The following TGM6 variants were observed in gnomAD, a reference collection of about 807,000 sequenced individuals.
TGM6 encodes transglutaminase 6, also known as protein-glutamine gamma-glutamyltransferase 6.
In TGM6, 74 loss-of-function variants were observed where a neutral mutation model predicts 77.5. The ratio of observed to expected loss-of-function variants is 0.96; its 90% CI spans 0.79 to 1.16. The LOEUF is 1.16. TGM6 is among the 50% of genes most tolerant of loss of function. The probability of loss-of-function intolerance (pLI) is 0.00; values close to 1 mark genes in which losing one functional copy is unlikely to be tolerated. For missense variants in TGM6, 968 were observed against 940.2 expected, an observed-to-expected ratio of 1.03 and a Z score of -0.39; for synonymous variants, 383 against 378.9, an observed-to-expected ratio of 1.01 and a Z score of -0.12.
chr20:2,406,656 C>T (rs1354268537), intron 9 of TGM6, among the ~76,000 whole-genome samples: 4 of 150,312 alleles, frequency 2.7e-5, no homozygotes, highest in East Asian at 2.0e-4. Context: ...GCCAACATGG[C>T]GAAAACCCGT....
intron 9 of TGM6, among the ~76,000 whole-genome samples, chr20:2,404,784 G>A (rs2084738751): frequency 6.6e-6 from 1 of 152,004 alleles, no homozygotes; most frequent in Non-Finnish European, 1.5e-5. Flanking sequence ...GGGATTACAG[G>A]TGCCCGCCAC....
intron 1 of TGM6, among the ~76,000 whole-genome samples, chr20:2,392,675 G>A (rs558860096): frequency 2.0e-5 from 3 of 152,198 alleles, no homozygotes; most frequent in Non-Finnish European, 4.4e-5. Context: ...ACTTTGGGAG[G>A]CCAAGGCGGA....
At chr20:2,381,098 C>A in intron 1 of TGM6, 123 bp downstream of exon 1, 1 of 1,351,916 alleles carries the variant, frequency 7.4e-7, no homozygotes, top group South Asian at 1.3e-5. Context: ...GATAGTCCAC[C>A]ATGAACACAT....
At chr20:2,432,444 G>T in intron 12 of TGM6, 46 bp from the exon 13 acceptor site, 1 of 1,611,822 alleles carries the variant, frequency 6.2e-7, no homozygotes, top group South Asian at 1.1e-5. Context: ...GACTCAGAAT[G>T]GCAAGAGGAC....
chr20:2,426,297 C>T (rs1025058986), intron 10 of TGM6, among the ~76,000 whole-genome samples: 1 of 151,832 alleles, frequency 6.6e-6, no homozygotes. Context: ...TTTTAATTTC[C>T]AATTGTTCAT....
chr20:2,418,211 T>C (rs1319481465), intron 10 of TGM6, among the ~76,000 whole-genome samples: 2 of 152,070 alleles, frequency 1.3e-5, no homozygotes, highest in Non-Finnish European at 2.9e-5. Flanking sequence ...GGGGGTTTCA[T>C]GATGTTGCCC....
intron 1 of TGM6, among the ~76,000 whole-genome samples, chr20:2,392,757 G>A (rs371946823): frequency 2.0e-5 from 3 of 152,166 alleles, no homozygotes; most frequent in East Asian, 3.9e-4. Flanking sequence ...CAAAAAATTA[G>A]CTGAGTATGG....
chr20:2,394,713 G>T, intron 2 of TGM6, 88 bp downstream of exon 2: 1 of 1,425,510 alleles, frequency 7.0e-7, no homozygotes, highest in Non-Finnish European at 9.6e-7. Flanking sequence ...GCAGTCAGCA[G>T]CTCAGGCTCT....
chr20:2,381,195 C>A (rs1052508491), intron 1 of TGM6, among the ~76,000 whole-genome samples: 10 of 152,200 alleles, frequency 6.6e-5, no homozygotes, highest in African/African-American at 2.4e-4. Flanking sequence ...CTGGCTCAGG[C>A]GCTGTCTCCT....
intron 10 of TGM6, among the ~76,000 whole-genome samples, chr20:2,424,452 C>A (rs539941639): frequency 1.3e-5 from 2 of 152,288 alleles, no homozygotes; most frequent in African/African-American, 4.8e-5. Flanking sequence ...TAGCTTCAAA[C>A]TTGTCTTCTG....
intron 9 of TGM6, among the ~76,000 whole-genome samples, chr20:2,415,354 C>A (rs746758402): frequency 6.6e-6 from 1 of 152,058 alleles, no homozygotes; most frequent in Non-Finnish European, 1.5e-5. Flanking sequence ...GGAGAACCAT[C>A]AGAATTGGAC....
chr20:2,400,503 G>C, intron 7 of TGM6, 59 bp downstream of exon 7: 1 of 1,610,974 alleles, frequency 6.2e-7, no homozygotes, highest in Non-Finnish European at 8.5e-7. Context: ...GTGGAGCAAG[G>C]CCTCATCTTC....
In TGM6 at chr20:2,395,440, G is replaced by T; in HGVS notation, c.424+4G>T. 6.2e-7 allele frequency: 1 copy of T among 1,614,250 alleles called. No individual in the cohort carries two copies. Among genetic ancestry groups the T allele is most frequent in the Non-Finnish European group, 8.5e-7 (1 of 1,180,054 alleles). On this transcript the variant is annotated splice_donor_region_variant and intron_variant, in intron 3 of 12. Transcript: ENST00000202625. Reference sequence around the variant, plus strand: ...CTTTTCAACCCATGGTGTGCAGGTAGGAGTGGCCAAGTCCAATGCAGAGGT... The same window carrying T: ...CTTTTCAACCCATGGTGTGCAGGTATGAGTGGCCAAGTCCAATGCAGAGGT...
At chr20:2,430,719 T>A in intron 11 of TGM6, 119 bp downstream of exon 11, 2 of 1,587,982 alleles carry the variant, frequency 1.3e-6, no homozygotes, top group South Asian at 2.2e-5. Context: ...CTCTCCAGGG[T>A]GGGAGGAGTG....
At chr20:2,391,468 T>A (rs1487589327) in intron 1 of TGM6, among the ~76,000 whole-genome samples, 1 of 150,714 alleles carries the variant, frequency 6.6e-6, no homozygotes, top group Non-Finnish European at 1.5e-5. Flanking sequence ...TAGAGTCTGA[T>A]GCAGCCAGTG....
chr20:2,431,467 T>C (rs2084923745), intron 12 of TGM6, among the ~76,000 whole-genome samples: 2 of 152,252 alleles, frequency 1.3e-5, no homozygotes, highest in African/African-American at 4.8e-5. Flanking sequence ...TTATTCATTG[T>C]CAATCATTCA....
intron 1 of TGM6, 128 bp downstream of exon 1, chr20:2,381,103 A>G (rs2084551557): frequency 1.5e-6 from 2 of 1,364,228 alleles, no homozygotes; most frequent in Non-Finnish European, 2.0e-6. Flanking sequence ...TCCACCATGA[A>G]CACATGAACT....
intron 1 of TGM6, among the ~76,000 whole-genome samples, chr20:2,392,168 A>G (rs145697886): frequency 1.4e-3 from 217 of 152,290 alleles, no homozygotes; most frequent in African/African-American, 4.8e-3. Flanking sequence ...CAACTGCATG[A>G]TGTCAGGGCC....
At chr20:2,427,101 T>A (rs1351847269) in intron 10 of TGM6, among the ~76,000 whole-genome samples, 1 of 152,294 alleles carries the variant, frequency 6.6e-6, no homozygotes, top group East Asian at 1.9e-4. Context: ...ATTCTTGGTA[T>A]AATTCACCAG....
Sources: gnomAD v4.1 joint callset for allele counts (sites outside exome capture counted in the v4.1 genomes callset) on GRCh38, gnomAD v4.1.1 for gene constraint, MANE v1.5 for transcripts, NCBI Gene and HGNC (gene_info 2026-07-23, HGNC 2026-07-21) for gene names.